Variants in SYNE2 observed in about 807,000 individuals in gnomAD.
SYNE2 encodes nesprin-2.
SYNE2 carries 431 observed loss-of-function variants against 856.3 expected under a neutral mutation model. That is an observed-to-expected ratio of 0.50 (90% confidence interval 0.47 to 0.55). The LOEUF (loss-of-function observed/expected upper bound fraction) is 0.55. Among genes scored for constraint, SYNE2 ranks in the 20% least tolerant of loss-of-function variants. SYNE2 has a pLI of 0.00. For synonymous variants in SYNE2, 2,923 were observed against 2,872.3 expected, an observed-to-expected ratio of 1.02 and a Z score of -0.56; for missense variants, 8,129 against 8,023.2, an observed-to-expected ratio of 1.01 and a Z score of -0.50.
rs1369723578 is a variant in SYNE2 at position 64,065,597 on chromosome 14, T to C, written c.10378T>C (p.Trp3460Arg). The change falls in exon 51 of 116, where the codon TGG (tryptophan) becomes CGG (arginine). Residue 3460 changes from tryptophan (W) to arginine (R), a missense_variant. This residue lies in a region of SYNE2 where 5,410 missense variants were observed against 5,284.8 expected (regional missense o/e 1.02). Coordinates refer to ENST00000555002, the MANE Select transcript of SYNE2 (RefSeq NM_182914.3). ...WLSLLEAAKEWEMWCEELKQE... is the reference protein window; with the variant it reads ...WLSLLEAAKEREMWCEELKQE... ...GAGTTTGCTGGAAGCTGCTAAAGAG[T>C]GGGAGATGTGGTGCGAAGAACTGAA... The C allele has an allele frequency of 1.2e-6, 2 of 1,613,832 alleles. No homozygotes were observed. Among genetic ancestry groups the C allele is most frequent in the Non-Finnish European group, 1.7e-6 (2 of 1,179,970 alleles).
chr14:63,843,070 C>G (rs1890122100), intron 1 of SYNE2, among the ~76,000 whole-genome samples: 1 of 151,956 alleles, frequency 6.6e-6, no homozygotes. Flanking sequence ...TTCTGTCACC[C>G]AGGCTGGAGT....
intron 78 of SYNE2, 128 bp from the exon 79 acceptor site, chr14:64,137,659 T>C: frequency 1.0e-6 from 1 of 969,038 alleles, no homozygotes; most frequent in Non-Finnish European, 1.6e-6. Flanking sequence ...CTATATAGTC[T>C]TGAATGTTGG....
At chr14:63,988,527 G>T (rs1162507317) in intron 19 of SYNE2, among the ~76,000 whole-genome samples, 1 of 152,120 alleles carries the variant, frequency 6.6e-6, no homozygotes, top group Non-Finnish European at 1.5e-5. Flanking sequence ...AAATCACTGT[G>T]ATTCCACTGC....
chr14:64,100,530 AAATATATATAT>A (rs1364801998), intron 63 of SYNE2, among the ~76,000 whole-genome samples: 4 of 63,872 alleles, frequency 6.3e-5, no homozygotes, highest in Admixed American at 3.4e-4. Context: ...AAAAAAAAAA[AAATATATATAT>A]ATATATATAT....
At chr14:64,102,165 G>T (rs568200965) in intron 64 of SYNE2, 123 bp downstream of exon 64, 34 of 714,958 alleles carry the variant, frequency 4.8e-5, no homozygotes, top group Non-Finnish European at 8.1e-5. Flanking sequence ...CGCCCAGACT[G>T]GAGTGCAGTC....
intron 1 of SYNE2, among the ~76,000 whole-genome samples, chr14:63,840,399 TTTCCTTCC>T (rs747899857): frequency 0.02 from 2,252 of 115,372 alleles, 57 homozygotes; most frequent in African/African-American, 0.035. Context: ...CTTTCTTTCC[TTTCCTTCC>T]TTCCTTCCTT....
chr14:63,898,353 G>C (rs2095287417), intron 1 of SYNE2, among the ~76,000 whole-genome samples: 1 of 152,046 alleles, frequency 6.6e-6, no homozygotes, highest in Admixed American at 6.6e-5. Context: ...TTAGTTTAGT[G>C]TTCTATTTTG....
intron 1 of SYNE2, among the ~76,000 whole-genome samples, chr14:63,899,901 A>C (rs909173855): frequency 4.6e-5 from 7 of 152,228 alleles, no homozygotes; most frequent in Admixed American, 4.6e-4. Context: ...GATTATAATA[A>C]ATACCATTTA....
chr14:64,195,285 T>G (rs1034856252), intron 99 of SYNE2, among the ~76,000 whole-genome samples: 9 of 152,236 alleles, frequency 5.9e-5, no homozygotes, highest in Non-Finnish European at 1.2e-4. Flanking sequence ...ATTTTCTTTT[T>G]GCTTATCTGT....
At position 64,126,418 on chromosome 14, in the gene SYNE2, A is replaced by G; in HGVS notation, c.13646A>G (p.Glu4549Gly). The change falls in exon 72 of 116, where the codon GAG becomes GGG. Residue 4549 changes from glutamate to glycine, a missense_variant. By Grantham distance (98) the Glu-to-Gly change is moderately conservative. Transcript: ENST00000555002. Reference protein sequence around the residue: ...TLSQCLSSVEEMLEMPRLYRE... With the variant: ...TLSQCLSSVEGMLEMPRLYRE... ...AGTCAGTGCCTCAGCAGTGTGGAGG[A>G]GATGCTGGAGATGCCCAGACTTTAC... The G allele has an allele frequency of 6.2e-7, 1 of 1,614,156 alleles. No homozygotes were observed. Among genetic ancestry groups the G allele is most frequent in the East Asian group, 2.2e-5 (1 of 44,888 alleles).
chr14:64,176,511 G>A (rs529689207), intron 95 of SYNE2, among the ~76,000 whole-genome samples: 55 of 152,282 alleles, frequency 3.6e-4, no homozygotes, highest in South Asian at 1.0e-3. Context: ...GAAGTGGAAA[G>A]TGAAGGTTGA....
intron 33 of SYNE2, 88 bp from the exon 34 acceptor site, chr14:64,017,507 T>A: frequency 8.4e-7 from 1 of 1,188,328 alleles, no homozygotes; most frequent in Non-Finnish European, 1.2e-6. Context: ...TAAACTAAAA[T>A]TTTATTTTAA....
chr14:64,077,633 AGTT>A (rs199556372), intron 54 of SYNE2, among the ~76,000 whole-genome samples: 8 of 27,038 alleles, frequency 3.0e-4, no homozygotes, highest in South Asian at 1.5e-3. Context: ...ATACAGATAG[AGTT>A]GTTTTTTTTT....
At chr14:63,884,861 C>G (rs1228378900) in intron 1 of SYNE2, among the ~76,000 whole-genome samples, 6 of 151,982 alleles carry the variant, frequency 3.9e-5, no homozygotes, top group Admixed American at 3.9e-4. Flanking sequence ...AGGATGGTCT[C>G]GATCTCCTGA....
At chr14:64,090,194 C>T (rs2097597909) in intron 59 of SYNE2, among the ~76,000 whole-genome samples, 1 of 152,172 alleles carries the variant, frequency 6.6e-6, no homozygotes, top group Non-Finnish European at 1.5e-5. Context: ...GGATTCTGTT[C>T]CCAGCTCTGC....
chr14:64,203,957 T>A (rs2098593096), intron 100 of SYNE2, among the ~76,000 whole-genome samples: 1 of 152,180 alleles, frequency 6.6e-6, no homozygotes, highest in African/African-American at 2.4e-5. Context: ...GCTCAAGTGA[T>A]CCTCCCACCC....
chr14:63,876,289 C>T (rs184500091), intron 1 of SYNE2, among the ~76,000 whole-genome samples: 12 of 150,424 alleles, frequency 8.0e-5, no homozygotes, highest in South Asian at 6.3e-4. Context: ...TGTTGGCACA[C>T]GCCTGTAATT....
At chr14:64,100,529 AAAATAT>A (rs1420344143) in intron 63 of SYNE2, among the ~76,000 whole-genome samples, 134 of 57,566 alleles carry the variant, frequency 2.3e-3, no homozygotes, top group African/African-American at 6.1e-3. Flanking sequence ...AAAAAAAAAA[AAAATAT>A]ATATATATAT....
At chr14:64,206,346 T>C (rs1472564187) in intron 100 of SYNE2, among the ~76,000 whole-genome samples, 1 of 152,272 alleles carries the variant, frequency 6.6e-6, no homozygotes, top group East Asian at 1.9e-4. Context: ...CTGATTCTTG[T>C]GCAGACTTAG....
Sources: gnomAD v4.1 joint callset for allele counts (sites outside exome capture counted in the v4.1 genomes callset) on GRCh38, gnomAD v4.1.1 for gene constraint, gnomAD v4.1.1 regional missense constraint, MANE v1.5 for transcripts, NCBI Gene and HGNC (gene_info 2026-07-23, HGNC 2026-07-21) for gene names.